Variants in CCR10 observed in about 807,000 individuals in gnomAD.
The protein encoded by CCR10 is C-C chemokine receptor type 10.
Under a neutral mutation model 11.9 loss-of-function variants are expected in CCR10, and 11 were observed. The observed-to-expected ratio is 0.92, with a 90% CI of 0.58 to 1.53. CCR10 has a LOEUF of 1.53. CCR10 is among the 40% of genes most tolerant of loss of function. The pLI, the probability that CCR10 is intolerant of heterozygous loss-of-function variation, is 0.00. For missense variants in CCR10, 428 were observed against 496.6 expected (o/e 0.86, Z 1.31); for synonymous variants, 224 against 245.4 (o/e 0.91, Z 0.81).
chr17:42,680,669 A>G, intron 1 of CCR10, 52 bp from the exon 2 acceptor site: 1 of 1,285,618 alleles, frequency 7.8e-7, no homozygotes, highest in South Asian at 1.4e-5. Context: ...CTGACCACAC[A>G]ACTCCCCCGC....
chr17:42,679,961 G>A lies in CCR10; in HGVS notation c.681C>T (p.Tyr227=). 2 of 1,562,930 alleles carry A rather than the reference G, an allele frequency of 1.3e-6. No homozygotes were observed. Among genetic ancestry groups the A allele is most frequent in the East Asian group, 4.7e-5 (2 of 42,976 alleles). ...CCAGCAGCGTGCGGCCCAGAAGCGCGTAGCAGGCTACCATGACGCCCAGCG... is the reference window on the plus strand; with the variant it reads ...CCAGCAGCGTGCGGCCCAGAAGCGCATAGCAGGCTACCATGACGCCCAGCG... ...ALPLGVMVAC[Y]ALLGRTLLAA... Residue 227 remains tyrosine, a synonymous_variant, in exon 2 of 2, where the codon TAC becomes TAT. Transcript: ENST00000332438.
At chr17:42,681,079 C>T (rs1171530594) in intron 1 of CCR10, among the ~76,000 whole-genome samples, 16 of 152,230 alleles carry the variant, frequency 1.1e-4, no homozygotes, top group African/African-American at 2.9e-4. Context: ...TGCAGTGGCA[C>T]GATCTCGGCT....
At chr17:42,681,726 G>T in intron 1 of CCR10, 74 bp downstream of exon 1, 1 of 1,108,906 alleles carries the variant, frequency 9.0e-7, no homozygotes, top group Non-Finnish European at 1.4e-6. Flanking sequence ...CCCATTGCCA[G>T]GTGGGGAATC....
Position 42,679,727 on chromosome 17 carries a change from G to A in CCR10, c.915C>T (p.Leu305=). ...TSGLALARCG[L]NPVLYAFLGL... ...CCAGGAAGGCGTAGAGAACGGGATT[G>A]AGGCCACAGCGGGCGAGGGCCAAGC... Residue 305 remains leucine, a synonymous_variant, in exon 2 of 2, where the codon CTC becomes CTT. Transcript: ENST00000332438. 6.3e-7 allele frequency: 1 copy of A among 1,582,066 alleles called. No individual in the cohort carries two copies.
At chr17:42,680,749 C>A in intron 1 of CCR10, 132 bp from the exon 2 acceptor site, 1 of 636,468 alleles carries the variant, frequency 1.6e-6, no homozygotes, top group South Asian at 2.0e-5. Context: ...GACATAAGCT[C>A]TTCTCCAGAC....
At position 42,679,661 on chromosome 17, in the gene CCR10, A is replaced by C; in HGVS notation, c.981T>G (p.Gly327=). Reference sequence around the variant, plus strand: ...GTTGAGGCCCTGAGGGGCAGCTCCCACCCCGTAGCAGCCTCCGCAGGTCCT... The same window carrying C: ...GTTGAGGCCCTGAGGGGCAGCTCCCCCCCCGTAGCAGCCTCCGCAGGTCCT... ...FRQDLRRLLR[G]GSCPSGPQPR... is the part of the protein sequence containing the mutation. The change falls in exon 2 of 2, where the codon GGT becomes GGG. Residue 327 remains glycine, a synonymous_variant. Coordinates refer to ENST00000332438, the MANE Select transcript of CCR10 (RefSeq NM_016602.3). 1 of 1,506,650 alleles carries C rather than the reference A, an allele frequency of 6.6e-7. No homozygotes were observed. The highest frequency in any genetic ancestry group is 8.8e-7 in the Non-Finnish European group (1 of 1,131,376). The allele number at this position is 1,506,650 out of a possible 1,614,324, so 93.3% of individuals were successfully genotyped here.
intron 1 of CCR10, among the ~76,000 whole-genome samples, chr17:42,680,901 C>A (rs1237041299): frequency 2.6e-5 from 4 of 152,154 alleles, no homozygotes; most frequent in Non-Finnish European, 5.9e-5. Context: ...GATTATAAAT[C>A]CTGACCAGCC....
Position 42,680,423 on chromosome 17 carries a change from C to A in CCR10, c.219G>T (p.Ala73=). Residue 73 remains alanine, a synonymous_variant, in exon 2 of 2, where the codon GCG becomes GCT. Coordinates refer to ENST00000332438, the MANE Select transcript of CCR10 (RefSeq NM_016602.3). ...LATHLAARRA[A]RSPTSAHLLQ... is the part of the protein sequence containing the mutation. Reference sequence around the variant, plus strand: ...GCAGGTGGGCAGAGGTGGGCGAGCGCGCTGCGCGTCGGGCTGCCAGGTGGG... The same window carrying A: ...GCAGGTGGGCAGAGGTGGGCGAGCGAGCTGCGCGTCGGGCTGCCAGGTGGG... 6.4e-7 allele frequency: 1 copy of A among 1,573,578 alleles called. No individual in the cohort carries two copies. The highest frequency in any genetic ancestry group is 8.6e-7 in the Non-Finnish European group (1 of 1,159,764).
In CCR10 at chr17:42,680,536, C is replaced by G. The variant is rs751010049; in HGVS notation, c.106G>C (p.Val36Leu). The G allele has an allele frequency of 6.2e-6, 10 of 1,611,802 alleles. No individual in the cohort carries two copies. The highest frequency in any genetic ancestry group is 7.6e-6 in the Non-Finnish European group (9 of 1,179,242). ...PLPELCYKAD[V>L]QAFSRAFQPS... ...TGGAAGGCCCGGCTGAAGGCCTGGA[C>G]ATCGGCCTTGTAGCAAAGCTCCGGC... Residue 36 changes from valine (V) to leucine (L), a missense_variant, in exon 2 of 2, where the codon GTC (valine) becomes CTC (leucine). Transcript: ENST00000332438.
Position 42,679,231 on chromosome 17 carries a change from G to A in CCR10, c.*322C>T. 3.8e-6 allele frequency: 1 copy of A among 264,998 alleles called. No homozygotes were observed. The allele number at this position is 264,998 out of a possible 1,614,324, so 16.4% of individuals were successfully genotyped here. Reference sequence around the variant, plus strand: ...ACGGTGGAGGGGGTGTCAGTGGCTAGAGCTTTAGCAGACTCAGCAGCCCCC... The same window carrying A: ...ACGGTGGAGGGGGTGTCAGTGGCTAAAGCTTTAGCAGACTCAGCAGCCCCC... On this transcript the variant is annotated 3_prime_UTR_variant, in exon 2 of 2. Transcript: ENST00000332438.
chr17:42,680,403 T>A lies in CCR10; in HGVS notation c.239A>T (p.His80Leu). ...GTCGGCCAGGGCCAGCTGGAGCAGG[T>A]GGGCAGAGGTGGGCGAGCGCGCTGC... ...RRAARSPTSA[H>L]LLQLALADLL... is the part of the protein sequence containing the mutation. The change falls in exon 2 of 2, where the codon CAC becomes CTC. Residue 80 changes from histidine (H) to leucine (L), a missense_variant. Transcript: ENST00000332438. The A allele has an allele frequency of 6.4e-7, 1 of 1,562,154 alleles. No homozygotes were observed. Among genetic ancestry groups the A allele is most frequent in the Non-Finnish European group, 8.7e-7 (1 of 1,153,396 alleles).
Position 42,679,975 on chromosome 17 carries a change from T to G in CCR10, c.667A>C (p.Met223Leu). 1 of 1,567,620 alleles carries G rather than the reference T, an allele frequency of 6.4e-7. No homozygotes were observed. Residue 223 changes from methionine (M) to leucine (L), a missense_variant, in exon 2 of 2, where the codon ATG becomes CTG. Coordinates refer to ENST00000332438, the MANE Select transcript of CCR10 (RefSeq NM_016602.3). ...ALGFALPLGVMVACYALLGRT... is the reference protein window; with the variant it reads ...ALGFALPLGVLVACYALLGRT... ...CCCAGAAGCGCGTAGCAGGCTACCA[T>G]GACGCCCAGCGGCAGCGCGAAGCCC...
At chr17:42,681,324 GTAT>G (rs1223898993) in intron 1 of CCR10, 1 of 167,440 alleles carries the variant, frequency 6.0e-6, no homozygotes, top group African/African-American at 2.4e-5. Flanking sequence ...CCCAAAGTTT[GTAT>G]TATTAATAAA....
rs1469738877 is a variant in CCR10 at position 42,680,442 on chromosome 17, AGGTG to A, written c.196_199del (p.His66TrpfsTer27). The A allele has an allele frequency of 6.3e-7, 1 of 1,593,092 alleles. No homozygotes were observed. The highest frequency in any genetic ancestry group is 2.3e-5 in the East Asian group (1 of 43,612). ...CGAGCGCGCTGCGCGTCGGGCTGCCAGGTGGGTGGCCAGGACCAGGCCATTGCCG... is the reference window on the plus strand; with the variant it reads ...CGAGCGCGCTGCGCGTCGGGCTGCCAGGTGGCCAGGACCAGGCCATTGCCG... On this transcript the variant is annotated frameshift_variant, in exon 2 of 2. Coordinates refer to ENST00000332438, the MANE Select transcript of CCR10 (RefSeq NM_016602.3). LOFTEE classifies it low-confidence loss of function (END_TRUNC).
At position 42,680,523 on chromosome 17, in the gene CCR10, C is replaced by T; in HGVS notation, c.119G>A (p.Ser40Asn). 6.2e-7 allele frequency: 1 copy of T among 1,612,358 alleles called. No individual in the cohort carries two copies. The highest frequency in any genetic ancestry group is 8.5e-7 in the Non-Finnish European group (1 of 1,179,568). Residue 40 changes from serine (S) to asparagine (N), a missense_variant, in exon 2 of 2, where the codon AGC becomes AAC. By Grantham distance (46) the Ser-to-Asn change is conservative (BLOSUM62 1). Transcript: ENST00000332438. ...LCYKADVQAF[S>N]RAFQPSVSLT... ...GGAGACACTGGGTTGGAAGGCCCGGCTGAAGGCCTGGACATCGGCCTTGTA... is the reference window on the plus strand; with the variant it reads ...GGAGACACTGGGTTGGAAGGCCCGGTTGAAGGCCTGGACATCGGCCTTGTA...
At position 42,679,032 on chromosome 17, in the gene CCR10, G is replaced by C. The variant is rs1567966389; in HGVS notation, c.*521C>G. 7.0e-6 allele frequency: 1 copy of C among 143,506 alleles called. No individual in the cohort carries two copies. The highest frequency in any genetic ancestry group is 1.5e-5 in the Non-Finnish European group (1 of 66,190). The allele number at this position is 143,506 out of a possible 1,614,324, so 8.9% of individuals were successfully genotyped here. ...CCCACACCACGCAAAGGCCCACAGC[G>C]TCCCCGACAGTCTGAACATTCCAAT... is the stretch of plus-strand genomic sequence containing the variant. On this transcript the variant is annotated 3_prime_UTR_variant, in exon 2 of 2. Transcript: ENST00000332438.
Position 42,680,049 on chromosome 17 carries a change from C to A in CCR10, c.593G>T (p.Gly198Val). 1 of 1,598,480 alleles carries A rather than the reference C, an allele frequency of 6.3e-7. No homozygotes were observed. The highest frequency in any genetic ancestry group is 8.5e-7 in the Non-Finnish European group (1 of 1,175,990). ...CGCCCCCTTCACCGTCTGCGTGAGGCCCTCGGGGAAGATGAGGCGACAGCG... is the reference window on the plus strand; with the variant it reads ...CGCCCCCTTCACCGTCTGCGTGAGGACCTCGGGGAAGATGAGGCGACAGCG... ...QRRCRLIFPE[G>V]LTQTVKGASA... Residue 198 changes from glycine to valine, a missense_variant, in exon 2 of 2, where the codon GGC becomes GTC. By Grantham distance (109) the Gly-to-Val change is moderately radical. Coordinates refer to ENST00000332438, the MANE Select transcript of CCR10 (RefSeq NM_016602.3).
intron 1 of CCR10, 82 bp downstream of exon 1, chr17:42,681,718 C>T (rs1357439946): frequency 1.0e-6 from 1 of 996,992 alleles, no homozygotes; most frequent in African/African-American, 1.6e-5. Flanking sequence ...GGCAGAGGCC[C>T]ATTGCCAGGT....
rs1262175695 is a variant in CCR10, at chr17:42,680,312, A to G, written c.330T>C (p.Ser110=). The G allele has an allele frequency of 6.4e-7, 1 of 1,553,164 alleles. No individual in the cohort carries two copies. The highest frequency in any genetic ancestry group is 1.4e-5 in the African/African-American group (1 of 73,206). ...AGALQGWSLG[S]ATCRTISGLY... Reference sequence around the variant, plus strand: ...GGCCAGAGATGGTGCGGCAGGTGGCACTTCCCAGACTCCAGCCCTGAAGAG... The same window carrying G: ...GGCCAGAGATGGTGCGGCAGGTGGCGCTTCCCAGACTCCAGCCCTGAAGAG... The change falls in exon 2 of 2, where the codon AGT becomes AGC. Residue 110 remains serine (S), a synonymous_variant. Coordinates refer to ENST00000332438, the MANE Select transcript of CCR10 (RefSeq NM_016602.3).
Sources: allele counts gnomAD v4.1 joint callset (sites outside exome capture counted in the v4.1 genomes callset), GRCh38; gene constraint gnomAD v4.1.1; transcripts MANE v1.5; gene names NCBI Gene and HGNC (gene_info 2026-07-23, HGNC 2026-07-21).